The following POP1 variants were observed in gnomAD, a reference collection of about 807,000 sequenced individuals.
POP1 encodes POP1 ribonuclease P/MRP subunit, also known as ribonucleases P/MRP protein subunit POP1.
Under a neutral mutation model 102.2 loss-of-function variants are expected in POP1, and 75 were observed. The observed-to-expected ratio is 0.73, with a 90% CI of 0.61 to 0.89. The LOEUF (loss-of-function observed/expected upper bound fraction) is 0.89. Ranked by LOEUF, POP1 falls within the 40% of genes least tolerant of loss-of-function variation. The pLI is 0.00. For synonymous variants in POP1, 436 were observed against 464.1 expected, an observed-to-expected ratio of 0.94 and a Z score of 0.78; for missense variants, 1,116 against 1,267.4, an observed-to-expected ratio of 0.88 and a Z score of 1.81.
chr8:98,149,724 C>G (rs1809466419), intron 13 of POP1, among the ~76,000 whole-genome samples: 1 of 151,924 alleles, frequency 6.6e-6, no homozygotes, highest in African/African-American at 2.4e-5. Flanking sequence ...CCACTGCACT[C>G]TAGCCTGGGC....
chr8:98,145,463 T>C (rs1816817309), intron 11 of POP1, among the ~76,000 whole-genome samples: 1 of 152,198 alleles, frequency 6.6e-6, no homozygotes, highest in African/African-American at 2.4e-5. Context: ...TCCCTGGGGA[T>C]TAAATGACTG....
chr8:98,151,740 CTT>C (rs755019200), intron 14 of POP1, among the ~76,000 whole-genome samples: 10 of 112,912 alleles, frequency 8.9e-5, no homozygotes, highest in Middle Eastern at 5.0e-3. Flanking sequence ...GCCTGGCTTG[CTT>C]TTTTTTTTTT....
chr8:98,130,427 A>G (rs1816349735), intron 5 of POP1, among the ~76,000 whole-genome samples: 1 of 152,156 alleles, frequency 6.6e-6, no homozygotes, highest in Admixed American at 6.6e-5. Context: ...ACATTAATCA[A>G]ACGATTTACC....
At chr8:98,121,201 C>T (rs1816009511) in intron 1 of POP1, among the ~76,000 whole-genome samples, 1 of 152,224 alleles carries the variant, frequency 6.6e-6, no homozygotes, top group African/African-American at 2.4e-5. Context: ...TTTGAACCCA[C>T]ATCTTTCAAA....
chr8:98,145,085 C>T (rs995207906), intron 11 of POP1, among the ~76,000 whole-genome samples: 9 of 152,212 alleles, frequency 5.9e-5, no homozygotes, highest in African/African-American at 2.2e-4. Flanking sequence ...GACACGGTTT[C>T]GCCATGTTGC....
intron 12 of POP1, among the ~76,000 whole-genome samples, chr8:98,147,108 T>C (rs1331882848): frequency 6.6e-6 from 1 of 152,236 alleles, no homozygotes; most frequent in Non-Finnish European, 1.5e-5. Context: ...AATTTTACTA[T>C]GACTGGGGAC....
intron 5 of POP1, 57 bp from the exon 6 acceptor site, chr8:98,133,892 A>T: frequency 7.7e-7 from 1 of 1,294,542 alleles, no homozygotes; most frequent in South Asian, 1.2e-5. Flanking sequence ...TTGGCTTCTT[A>T]GCAGTTTTGC....
At chr8:98,154,959 GA>G (rs1345732439) in intron 14 of POP1, among the ~76,000 whole-genome samples, 2 of 152,138 alleles carry the variant, frequency 1.3e-5, no homozygotes, top group African/African-American at 4.8e-5. Context: ...TAAATAAAAA[GA>G]AAGAAATATG....
chr8:98,133,872 G>A (rs1011920093), intron 5 of POP1, 77 bp from the exon 6 acceptor site: 1 of 1,064,230 alleles, frequency 9.4e-7, no homozygotes, highest in Non-Finnish European at 1.5e-6. Flanking sequence ...AAGGTTTTGT[G>A]ATACGGCTTT....
At position 98,148,871 on chromosome 8, in the gene POP1, T is replaced by G; in HGVS notation, c.1767T>G (p.Gly589=). 1 of 1,613,916 alleles carries G rather than the reference T, an allele frequency of 6.2e-7. No individual in the cohort carries two copies. ...TGCCTGGGTCACAGCTTATTTTAGGTCCCCATGAATCCAAGATACCTATAC... is the reference window on the plus strand; with the variant it reads ...TGCCTGGGTCACAGCTTATTTTAGGGCCCCATGAATCCAAGATACCTATAC... ...LLVPGSQLIL[G]PHESKIPILL... Residue 589 remains glycine (G), a synonymous_variant, in exon 13 of 16, where the codon GGT becomes GGG. Transcript: ENST00000401707.
chr8:98,124,733 T>C (rs10504985), intron 2 of POP1, among the ~76,000 whole-genome samples: 5 of 152,054 alleles, frequency 3.3e-5, no homozygotes, highest in Non-Finnish European at 7.4e-5. Flanking sequence ...TGGTATATTT[T>C]ATTTCTACCT....
At chr8:98,128,911 G>A (rs1490349408) in intron 4 of POP1, among the ~76,000 whole-genome samples, 1 of 151,946 alleles carries the variant, frequency 6.6e-6, no homozygotes, top group Non-Finnish European at 1.5e-5. Context: ...GTGACAGTGA[G>A]ACCTTGTCTA....
intron 15 of POP1, among the ~76,000 whole-genome samples, chr8:98,156,756 A>G (rs1197133360): frequency 2.0e-5 from 3 of 152,120 alleles, no homozygotes; most frequent in Non-Finnish European, 4.4e-5. Context: ...TTTGAATTAT[A>G]TGGATTTGTG....
At chr8:98,156,451 T>C (rs990087635) in intron 15 of POP1, 39 bp downstream of exon 15, 1 of 1,611,372 alleles carries the variant, frequency 6.2e-7, no homozygotes, top group Non-Finnish European at 8.5e-7. Flanking sequence ...TTGGATTATT[T>C]ATTTTAATAT....
intron 1 of POP1, among the ~76,000 whole-genome samples, chr8:98,120,634 G>C (rs559896283): frequency 2.0e-5 from 3 of 150,158 alleles, no homozygotes; most frequent in African/African-American, 7.5e-5. Context: ...ATCACACGTG[G>C]CTCATTTTTG....
At chr8:98,119,314 A>G (rs760209228) in intron 1 of POP1, among the ~76,000 whole-genome samples, 6 of 152,250 alleles carry the variant, frequency 3.9e-5, no homozygotes, top group Non-Finnish European at 8.8e-5. Flanking sequence ...GACAGATTTT[A>G]TATCAAGTCT....
intron 11 of POP1, among the ~76,000 whole-genome samples, chr8:98,142,841 G>A (rs576460287): frequency 1.3e-5 from 2 of 152,280 alleles, no homozygotes; most frequent in South Asian, 2.1e-4. Context: ...CACTTTGAGA[G>A]CACTGATCTG....
At position 98,123,275 on chromosome 8, in the gene POP1, T is replaced by C. The variant is rs1456696480; in HGVS notation, c.-2-61T>C. On this transcript the variant is annotated intron_variant, in intron 1 of 15. Transcript: ENST00000401707. ...CACATGAATATTTACTCATTAAATT[T>C]ATTTTTATTTTTGAGTGGAAGTTTC... 26 of 1,559,678 alleles carry C rather than the reference T, an allele frequency of 1.7e-5. No individual in the cohort carries two copies. The South Asian group carries it at 3.0e-4, about 18-fold the overall frequency.
At chr8:98,145,557 G>A (rs575302445) in intron 11 of POP1, among the ~76,000 whole-genome samples, 3 of 152,138 alleles carry the variant, frequency 2.0e-5, no homozygotes, top group East Asian at 3.9e-4. Flanking sequence ...TTTCTAGCAC[G>A]GTACAGCTTA....
Sources: gnomAD v4.1 joint callset for allele counts (sites outside exome capture counted in the v4.1 genomes callset) on GRCh38, gnomAD v4.1.1 for gene constraint, MANE v1.5 for transcripts, NCBI Gene and HGNC (gene_info 2026-07-23, HGNC 2026-07-21) for gene names.